MIS18A: variants seen among roughly 807,000 people sequenced by gnomAD.
MIS18A encodes protein Mis18-alpha.
MIS18A carries 14 observed loss-of-function variants against 25.0 expected under a neutral mutation model. That is an observed-to-expected ratio of 0.56 (90% confidence interval 0.37 to 0.88). The LOEUF (loss-of-function observed/expected upper bound fraction) is 0.88. MIS18A is among the 40% of genes least tolerant of loss of function. The probability of loss-of-function intolerance (pLI) is 0.00; values close to 1 mark genes in which losing one functional copy is unlikely to be tolerated. For synonymous variants in MIS18A, 134 were observed against 118.6 expected, an observed-to-expected ratio of 1.13 and a Z score of -0.84; for missense variants, 292 against 290.8, an observed-to-expected ratio of 1.00 and a Z score of -0.03.
At chr21:32,275,070 T>C (rs112615101) in intron 1 of MIS18A, among the ~76,000 whole-genome samples, 174 bp from the exon 2 acceptor site, 5 of 152,256 alleles carry the variant, frequency 3.3e-5, no homozygotes, top group East Asian at 1.9e-4. Context: ...TGGGAAAAGA[T>C]AGCAGAATAA....
chr21:32,246,164 T>A, the MIS18A span, among the ~76,000 whole-genome samples: 2 of 152,128 alleles, frequency 1.3e-5, no homozygotes, highest in African/African-American at 4.8e-5. Context: ...CGCCCCATCA[T>A]CAAATCACCT....
the MIS18A span, among the ~76,000 whole-genome samples, chr21:32,253,274 T>C: frequency 6.6e-6 from 1 of 152,164 alleles, no homozygotes; most frequent in Admixed American, 6.5e-5. Context: ...CCAATGCTTC[T>C]GCATCCTATT....
At chr21:32,276,094 A>C (rs2031803493) in intron 1 of MIS18A, among the ~76,000 whole-genome samples, 1 of 152,104 alleles carries the variant, frequency 6.6e-6, no homozygotes, top group Non-Finnish European at 1.5e-5. Flanking sequence ...ATTCTCTTTA[A>C]CCAGTCTCAA....
chr21:32,194,337 G>T, the MIS18A span, among the ~76,000 whole-genome samples: 3 of 122,216 alleles, frequency 2.5e-5, no homozygotes, highest in Middle Eastern at 3.9e-3. Context: ...TATTCCATAT[G>T]TATGATATAT....
At chr21:32,156,802 G>C in the MIS18A span, among the ~76,000 whole-genome samples, 1 of 148,330 alleles carries the variant, frequency 6.7e-6, no homozygotes, top group Admixed American at 6.6e-5. Flanking sequence ...CTGTGGGAGG[G>C]GCACCATGTA....
the MIS18A span, among the ~76,000 whole-genome samples, chr21:32,195,890 C>T: frequency 6.6e-6 from 1 of 151,994 alleles, no homozygotes; most frequent in African/African-American, 2.4e-5. Flanking sequence ...CATGGTGACA[C>T]ATGCATGTAG....
chr21:32,246,444 C>A, the MIS18A span, among the ~76,000 whole-genome samples: 1 of 152,180 alleles, frequency 6.6e-6, no homozygotes, highest in Non-Finnish European at 1.5e-5. Context: ...GCACATTCTC[C>A]TCTCCTTTTG....
chr21:32,270,216 TAG>T (rs992299971), intron 3 of MIS18A, among the ~76,000 whole-genome samples, 189 bp downstream of exon 3: 2 of 150,398 alleles, frequency 1.3e-5, no homozygotes, highest in Non-Finnish European at 2.9e-5. Flanking sequence ...TCCTACAATT[TAG>T]AGTGTCTGAC....
At chr21:32,172,673 A>G in the MIS18A span, among the ~76,000 whole-genome samples, 1 of 151,978 alleles carries the variant, frequency 6.6e-6, no homozygotes, top group East Asian at 1.9e-4. Flanking sequence ...AATCAAAACA[A>G]TCTTTAAAAA....
intron 1 of MIS18A, chr21:32,277,903 C>G (rs1242800289): frequency 6.6e-6 from 1 of 152,174 alleles, no homozygotes; most frequent in Non-Finnish European, 1.5e-5. Context: ...CGTCGATAAG[C>G]CGGTGGTGAA....
At chr21:32,242,498 A>T in the MIS18A span, among the ~76,000 whole-genome samples, 12 of 149,418 alleles carry the variant, frequency 8.0e-5, no homozygotes, top group South Asian at 1.3e-3. Context: ...GACTGTACTT[A>T]AAAAAAAAAG....
chr21:32,197,846 C>T, the MIS18A span: 4 of 152,208 alleles, frequency 2.6e-5, no homozygotes, highest in African/African-American at 7.2e-5. Context: ...TGGCCCCAAA[C>T]AGGCTTCAGT....
the MIS18A span, among the ~76,000 whole-genome samples, chr21:32,218,278 TCCTTCCAG>T: frequency 1.4e-5 from 2 of 147,986 alleles, no homozygotes; most frequent in African/African-American, 4.9e-5. Flanking sequence ...CTAAAGGGAA[TCCTTCCAG>T]CTGAAGTGAT....
the MIS18A span, among the ~76,000 whole-genome samples, chr21:32,168,075 T>C: frequency 6.6e-6 from 1 of 152,148 alleles, no homozygotes; most frequent in African/African-American, 2.4e-5. Flanking sequence ...ATATCTCTTA[T>C]GCTTCCCTTA....
the MIS18A span, among the ~76,000 whole-genome samples, chr21:32,257,341 C>T: frequency 6.6e-6 from 1 of 152,324 alleles, no homozygotes; most frequent in Admixed American, 6.5e-5. Flanking sequence ...AAAATGTTCA[C>T]GTGCCCATGT....
the MIS18A span, among the ~76,000 whole-genome samples, chr21:32,217,737 T>A: frequency 6.6e-6 from 1 of 152,032 alleles, no homozygotes; most frequent in Non-Finnish European, 1.5e-5. Context: ...CCATCATGTA[T>A]AAGGGATCCT....
At chr21:32,164,953 T>C in the MIS18A span, among the ~76,000 whole-genome samples, 1 of 152,212 alleles carries the variant, frequency 6.6e-6, no homozygotes, top group Non-Finnish European at 1.5e-5. Context: ...CACTACTACA[T>C]ATCAATAAGC....
the MIS18A span, among the ~76,000 whole-genome samples, chr21:32,179,350 C>T: frequency 1.1e-4 from 17 of 152,282 alleles, no homozygotes; most frequent in South Asian, 3.5e-3. Context: ...GGAGAAGTCC[C>T]AGGTTTAGTG....
At chr21:32,186,659 A>T in the MIS18A span, among the ~76,000 whole-genome samples, 1 of 152,222 alleles carries the variant, frequency 6.6e-6, no homozygotes, top group Non-Finnish European at 1.5e-5. Context: ...AGAGAGCGCA[A>T]GAGTGAGAGA....
Sources: gnomAD v4.1 joint callset for allele counts (sites outside exome capture counted in the v4.1 genomes callset) on GRCh38, gnomAD v4.1.1 for gene constraint, MANE v1.5 for transcripts, NCBI Gene and HGNC (gene_info 2026-07-23, HGNC 2026-07-21) for gene names.